The following SDK1 variants were observed in gnomAD, a reference collection of about 807,000 sequenced individuals.
SDK1 encodes protein sidekick-1.
Under a neutral mutation model 245.5 loss-of-function variants are expected in SDK1, and 157 were observed. The observed-to-expected ratio is 0.64, with a 90% confidence interval of 0.56 to 0.73. SDK1 has a LOEUF of 0.73. Ranked by LOEUF, SDK1 falls within the 30% of genes least tolerant of loss-of-function variation. SDK1 has a pLI of 0.00. For missense variants in SDK1, 3,583 were observed against 3,002.3 expected, an observed-to-expected ratio of 1.19 and a Z score of -4.52; for synonymous variants, 1,647 against 1,278.5, an observed-to-expected ratio of 1.29 and a Z score of -6.15.
chr7:3,540,473 T>G (rs2091748), intron 1 of SDK1, among the ~76,000 whole-genome samples: 2,632 of 152,032 alleles, frequency 0.017, 84 homozygotes, highest in African/African-American at 0.06. Flanking sequence ...GGAAGAAAAA[T>G]AATCCTTCAA....
intron 1 of SDK1, among the ~76,000 whole-genome samples, chr7:3,538,497 G>C (rs114224920): frequency 6.6e-6 from 1 of 152,020 alleles, no homozygotes; most frequent in African/African-American, 2.4e-5. Context: ...ATGTCATTTC[G>C]ACTCCAACAC....
chr7:4,241,710 C>T, intron 42 of SDK1, 83 bp from the exon 43 acceptor site: 2 of 1,553,814 alleles, frequency 1.3e-6, no homozygotes, highest in Non-Finnish European at 1.8e-6. Flanking sequence ...TCAGGAGCTG[C>T]CCCGCTGGCC....
chr7:3,662,266 A>G (rs1212269125), intron 4 of SDK1, among the ~76,000 whole-genome samples: 1 of 152,178 alleles, frequency 6.6e-6, no homozygotes, highest in Non-Finnish European at 1.5e-5. Context: ...TAAGTTATGC[A>G]GGTTTGAAAG....
chr7:3,776,772 G>A (rs1407447000), intron 4 of SDK1, among the ~76,000 whole-genome samples: 1 of 151,936 alleles, frequency 6.6e-6, no homozygotes, highest in Non-Finnish European at 1.5e-5. Flanking sequence ...TAGTTTCCTG[G>A]ACAAGGATGA....
intron 5 of SDK1, among the ~76,000 whole-genome samples, chr7:3,861,411 T>C (rs57259332): frequency 0.053 from 8,080 of 152,250 alleles, 693 homozygotes; most frequent in African/African-American, 0.18. Flanking sequence ...TTGGTGCTTG[T>C]AGGAGGGTAG....
intron 32 of SDK1, among the ~76,000 whole-genome samples, chr7:4,173,314 A>T (rs1341716528): frequency 6.6e-6 from 1 of 152,188 alleles, no homozygotes; most frequent in Non-Finnish European, 1.5e-5. Flanking sequence ...ATCCGCCTGG[A>T]GTGGGAGGAC....
chr7:3,397,895 A>T (rs918938073), intron 1 of SDK1, among the ~76,000 whole-genome samples: 3 of 152,064 alleles, frequency 2.0e-5, no homozygotes, highest in African/African-American at 7.2e-5. Flanking sequence ...TAATTACATA[A>T]TCTCTGCCAT....
At chr7:3,902,602 A>G (rs1228713519) in intron 5 of SDK1, among the ~76,000 whole-genome samples, 2 of 152,116 alleles carry the variant, frequency 1.3e-5, no homozygotes, top group Non-Finnish European at 2.9e-5. Flanking sequence ...GTTTCTTTGT[A>G]GGAAAACTTT....
chr7:3,575,946 C>G (rs1163637339), intron 1 of SDK1, among the ~76,000 whole-genome samples: 1 of 151,984 alleles, frequency 6.6e-6, no homozygotes, highest in Non-Finnish European at 1.5e-5. Flanking sequence ...CTGTTCTTCC[C>G]CATGTGAGCC....
chr7:3,771,020 G>C (rs532138997), intron 4 of SDK1, among the ~76,000 whole-genome samples: 1 of 152,236 alleles, frequency 6.6e-6, no homozygotes, highest in Non-Finnish European at 1.5e-5. Flanking sequence ...GTTTTTTCTG[G>C]TCTTGGCTTT....
intron 2 of SDK1, among the ~76,000 whole-genome samples, chr7:3,631,471 T>C (rs1236409692): frequency 6.6e-6 from 1 of 152,226 alleles, no homozygotes; most frequent in Non-Finnish European, 1.5e-5. Context: ...TCTCTTTTTC[T>C]AGTTAACTCC....
intron 40 of SDK1, among the ~76,000 whole-genome samples, chr7:4,225,946 G>A (rs771346235): frequency 8.3e-4 from 91 of 109,412 alleles, no homozygotes; most frequent in Non-Finnish European, 1.9e-3. Flanking sequence ...AGCAGGCCGC[G>A]GGACCCGTGT....
intron 1 of SDK1, among the ~76,000 whole-genome samples, chr7:3,465,888 C>G (rs931370483): frequency 6.6e-6 from 1 of 152,208 alleles, no homozygotes; most frequent in Non-Finnish European, 1.5e-5. Context: ...TTCATATAAA[C>G]TACACCTAAG....
chr7:3,383,554 A>G (rs1177650231), intron 1 of SDK1, among the ~76,000 whole-genome samples: 1 of 152,202 alleles, frequency 6.6e-6, no homozygotes, highest in Admixed American at 6.5e-5. Flanking sequence ...CTTAAAAAGT[A>G]TCTGGCTAAT....
At chr7:3,770,257 C>G (rs1217299158) in intron 4 of SDK1, among the ~76,000 whole-genome samples, 1 of 152,008 alleles carries the variant, frequency 6.6e-6, no homozygotes, top group African/African-American at 2.4e-5. Context: ...AGTGTAATTC[C>G]CTTAAAGTCC....
chr7:3,439,023 T>G (rs748392122), intron 1 of SDK1, among the ~76,000 whole-genome samples: 39 of 152,098 alleles, frequency 2.6e-4, no homozygotes, highest in Non-Finnish European at 2.9e-4. Context: ...CAGCTCACTT[T>G]TGTATTTTTA....
chr7:3,975,778 C>G (rs557992339), intron 13 of SDK1, among the ~76,000 whole-genome samples: 2 of 152,222 alleles, frequency 1.3e-5, no homozygotes, highest in Non-Finnish European at 2.9e-5. Flanking sequence ...CAGGATGACC[C>G]CTTGTTCTCT....
In SDK1 at chr7:4,174,229, G is replaced by A; in HGVS notation, c.4808G>A (p.Arg1603Lys). Residue 1603 changes from arginine (R) to lysine (K), a missense_variant, in exon 33 of 45, where the codon AGG becomes AAG. By Grantham distance (26) the Arg-to-Lys change is conservative. Transcript: ENST00000404826. ...GGTGTGATGTCTTTGCAGCCTCCGAGGGACGAAAGCCTGAATGGCCTTCTT... is the reference window on the plus strand; with the variant it reads ...GGTGTGATGTCTTTGCAGCCTCCGAAGGACGAAAGCCTGAATGGCCTTCTT... ...SSVLIQWQPP[R>K]DESLNGLLQG... 1 of 1,614,082 alleles carries A rather than the reference G, an allele frequency of 6.2e-7. No homozygotes were observed. The highest frequency in any genetic ancestry group is 8.5e-7 in the Non-Finnish European group (1 of 1,179,968).
At chr7:3,489,829 C>G (rs977660398) in intron 1 of SDK1, among the ~76,000 whole-genome samples, 1 of 152,130 alleles carries the variant, frequency 6.6e-6, no homozygotes, top group Non-Finnish European at 1.5e-5. Context: ...AAGATTCATG[C>G]TAACTAATTA....
Sources: gnomAD v4.1 joint callset for allele counts (sites outside exome capture counted in the v4.1 genomes callset) on GRCh38, gnomAD v4.1.1 for gene constraint, MANE v1.5 for transcripts, NCBI Gene and HGNC (gene_info 2026-07-23, HGNC 2026-07-21) for gene names.